THADA: variants seen among roughly 807,000 people sequenced by gnomAD.
THADA encodes THADA armadillo repeat containing.
A neutral mutation model predicts 219.8 loss-of-function variants in THADA; 213 were observed. The ratio of observed to expected loss-of-function variants is 0.97; its 90% CI spans 0.87 to 1.09. THADA has a LOEUF of 1.09. THADA is among the 50% of genes least tolerant of loss of function. The pLI is 0.00. For missense variants in THADA, 2,956 were observed against 2,311.3 expected (o/e 1.28, Z -5.72); for synonymous variants, 1,018 against 828.9 (o/e 1.23, Z -3.92).
intron 21 of THADA, among the ~76,000 whole-genome samples, chr2:43,532,238 C>T (rs974052057): frequency 6.6e-6 from 1 of 151,480 alleles, no homozygotes; most frequent in African/African-American, 2.4e-5. Context: ...ACAGTAAAAC[C>T]CCCGTCTCTA....
At chr2:43,322,597 T>C (rs542520301) in intron 30 of THADA, among the ~76,000 whole-genome samples, 10 of 146,542 alleles carry the variant, frequency 6.8e-5, no homozygotes, top group Non-Finnish European at 1.2e-4. Flanking sequence ...TCCACAACCC[T>C]ACCCCCTGCC....
Position 43,320,481 on chromosome 2 carries a change from C to A in THADA, c.4403G>T (p.Cys1468Phe). The A allele has an allele frequency of 6.2e-7, 1 of 1,613,454 alleles. No individual in the cohort carries two copies. Among genetic ancestry groups the A allele is most frequent in the Non-Finnish European group, 8.5e-7 (1 of 1,179,670 alleles). The change falls in exon 31 of 38, where the codon TGC becomes TTC. Residue 1468 changes from cysteine to phenylalanine, a missense_variant. Transcript: ENST00000405975. Reference protein sequence around the residue: ...VYIDILFLLTCCLNRSAKDNQ... With the variant: ...VYIDILFLLTFCLNRSAKDNQ... ...GTCCTTTGCAGATCTGTTGAGGCAG[C>A]AAGTCAATAGGAAGAGAATATCAAT...
At chr2:43,252,712 C>T (rs1669926044) in intron 36 of THADA, among the ~76,000 whole-genome samples, 1 of 152,186 alleles carries the variant, frequency 6.6e-6, no homozygotes, top group South Asian at 2.1e-4. Flanking sequence ...CTTCCTAGTC[C>T]CCAGTGCTCT....
chr2:43,535,184 T>A (rs1036222039), intron 21 of THADA, among the ~76,000 whole-genome samples: 2 of 147,018 alleles, frequency 1.4e-5, no homozygotes, highest in African/African-American at 5.0e-5. Flanking sequence ...TTTTTTTTTT[T>A]TTTTTTTTTG....
chr2:43,283,726 A>G (rs955967419), intron 35 of THADA, among the ~76,000 whole-genome samples: 6 of 152,244 alleles, frequency 3.9e-5, no homozygotes, highest in Admixed American at 1.3e-4. Flanking sequence ...GGCTGTTTCT[A>G]AAAGTATACA....
At chr2:43,388,833 T>G (rs1244432655) in intron 29 of THADA, among the ~76,000 whole-genome samples, 1 of 152,216 alleles carries the variant, frequency 6.6e-6, no homozygotes, top group Admixed American at 6.5e-5. Flanking sequence ...TTTTACAGTA[T>G]TATTTCAATG....
At chr2:43,301,869 G>A (rs1248497346) in intron 31 of THADA, among the ~76,000 whole-genome samples, 1 of 152,100 alleles carries the variant, frequency 6.6e-6, no homozygotes, top group Non-Finnish European at 1.5e-5. Context: ...ATTTTTCCCT[G>A]GTGCAACAAC....
intron 24 of THADA, among the ~76,000 whole-genome samples, chr2:43,499,717 A>G (rs1171009262): frequency 1.3e-5 from 2 of 151,958 alleles, no homozygotes; most frequent in African/African-American, 2.4e-5. Flanking sequence ...AAGCACATTA[A>G]ACACTGGTCA....
In THADA at chr2:43,551,681, A is replaced by C. The variant is rs1696763226; in HGVS notation, c.2947+108T>G. 4.8e-6 allele frequency: 5 copies of C among 1,034,320 alleles called. No homozygotes were observed. The East Asian group carries it at 1.4e-4, about 29-fold the overall frequency. 64.1% of individuals were successfully genotyped at this position (1,034,320 alleles called of 1,614,324 possible). A position where few individuals can be genotyped will look rare whatever the true frequency, so the allele number is the denominator to read the frequency against. On this transcript the variant is annotated intron_variant, in intron 19 of 37. Transcript: ENST00000405975. ...AAATAATAATAATTATTTTCTCCTC[A>C]ACTTAGCTTTTATATCTCCCCAAAG... is the stretch of plus-strand genomic sequence containing the variant.
rs772126955 is a variant in THADA, at chr2:43,552,231, GT to G, written c.2782del (p.Thr928GlnfsTer9). On this transcript the variant is annotated frameshift_variant, in exon 18 of 38. Transcript: ENST00000405975. LOFTEE classifies it high-confidence loss of function. Reference protein sequence around the residue: ...FPMYGRVHCITGALQKLSLNS... With the variant: ...FPMYGRVHCIXGALQKLSLNS... Reference sequence around the variant, plus strand: ...TAGAGATAACTTCTGCAAAGCTCCTGTTATACAGTGGACTCGCCCATACATT... The same window carrying G: ...TAGAGATAACTTCTGCAAAGCTCCTGTATACAGTGGACTCGCCCATACATT... 2 of 1,610,840 alleles carry G rather than the reference GT, an allele frequency of 1.2e-6. No homozygotes were observed. The highest frequency in any genetic ancestry group is 4.5e-5 in the East Asian group (2 of 44,856).
chr2:43,292,784 A>C, intron 32 of THADA, 50 bp downstream of exon 32: 2 of 1,567,462 alleles, frequency 1.3e-6, no homozygotes, highest in Non-Finnish European at 1.7e-6. Flanking sequence ...AGTGGCTCAC[A>C]AAAGAATGTG....
rs766353247 is a variant in THADA, at chr2:43,287,072, A to G, written c.5011-11T>C. ...TATCAATTCCCTGTTCTAAAAGCAC[A>G]AAATGTACCTATCAGTAGTTCAGAA... On this transcript the variant is annotated splice_polypyrimidine_tract_variant and intron_variant, in intron 34 of 37. Transcript: ENST00000405975. 1.2e-6 allele frequency: 2 copies of G among 1,608,124 alleles called. No homozygotes were observed. Among genetic ancestry groups the G allele is most frequent in the South Asian group, 1.1e-5 (1 of 90,298 alleles).
intron 36 of THADA, among the ~76,000 whole-genome samples, chr2:43,234,999 A>G (rs11693991): frequency 6.1e-5 from 8 of 131,066 alleles, no homozygotes; most frequent in Non-Finnish European, 1.3e-4. Flanking sequence ...TTTTTTTCTC[A>G]GACTGAGTCT....
intron 28 of THADA, among the ~76,000 whole-genome samples, chr2:43,424,201 A>T (rs1210711768): frequency 6.6e-6 from 1 of 152,218 alleles, no homozygotes. Context: ...TACATATAAT[A>T]CTTATAAATA....
intron 30 of THADA, among the ~76,000 whole-genome samples, chr2:43,328,989 A>C (rs1384212401): frequency 2.6e-4 from 40 of 152,246 alleles, no homozygotes; most frequent in Non-Finnish European, 4.4e-5. Flanking sequence ...ACTAACACTC[A>C]AGCTATGTGC....
intron 36 of THADA, among the ~76,000 whole-genome samples, chr2:43,248,158 TATATATAGAGAGAGAG>T (rs1669395183): frequency 1.3e-3 from 83 of 65,148 alleles, no homozygotes; most frequent in South Asian, 3.6e-3. Context: ...TATATATATA[TATATATAGAGAGAGAG>T]AGAGAGAGAG....
At chr2:43,493,960 T>C (rs1212591178) in intron 25 of THADA, among the ~76,000 whole-genome samples, 3 of 152,206 alleles carry the variant, frequency 2.0e-5, no homozygotes, top group African/African-American at 7.2e-5. Context: ...CTGCTATAAA[T>C]TTCTTTCATG....
chr2:43,554,115 T>TG (rs753175120), intron 17 of THADA, among the ~76,000 whole-genome samples: 2 of 152,202 alleles, frequency 1.3e-5, no homozygotes, highest in East Asian at 1.9e-4. Context: ...TAAATTTTGA[T>TG]GAAGTCCAAT....
chr2:43,574,236 G>C, intron 11 of THADA, 100 bp downstream of exon 11: 2 of 816,002 alleles, frequency 2.5e-6, no homozygotes, highest in South Asian at 4.0e-5. Flanking sequence ...ACTATTTATA[G>C]AAGTGATATT....
Sources: allele counts gnomAD v4.1 joint callset (sites outside exome capture counted in the v4.1 genomes callset), GRCh38; gene constraint gnomAD v4.1.1; transcripts MANE v1.5; gene names NCBI Gene and HGNC (gene_info 2026-07-23, HGNC 2026-07-21).